Variants in LUC7L2 observed in about 807,000 individuals in gnomAD.
LUC7L2 encodes the protein putative RNA-binding protein Luc7-like 2.
Under a neutral mutation model 52.8 loss-of-function variants are expected in LUC7L2, and 25 were observed. The observed-to-expected ratio is 0.47, with a 90% CI of 0.34 to 0.66. The LOEUF is 0.66. LUC7L2 is among the 30% of genes least tolerant of loss of function. LUC7L2 has a pLI of 0.01. For missense variants in LUC7L2, 328 were observed against 497.8 expected, an observed-to-expected ratio of 0.66 and a Z score of 3.25; for synonymous variants, 144 against 160.9, an observed-to-expected ratio of 0.89 and a Z score of 0.80.
chr7:139,378,802 A>G (rs190423587), intron 2 of LUC7L2, among the ~76,000 whole-genome samples: 71 of 152,320 alleles, frequency 4.7e-4, no homozygotes, highest in African/African-American at 1.7e-3. Context: ...CCTTAAGGAC[A>G]CCATTGTATG....
At chr7:139,341,103 G>C (rs973559049) in intron 1 of LUC7L2, 2 of 340,100 alleles carry the variant, frequency 5.9e-6, no homozygotes, top group African/African-American at 2.1e-5. Flanking sequence ...CATCTTCAAT[G>C]ACGCAGTGAA....
chr7:139,412,404 C>G (rs1044542257), intron 7 of LUC7L2, 147 bp from the exon 8 acceptor site: 2 of 937,392 alleles, frequency 2.1e-6, no homozygotes, highest in South Asian at 2.1e-5. Context: ...TTTGTGGTGT[C>G]TTTTGGAAAA....
At chr7:139,358,064 G>T (rs1351256188), upstream of LUC7L2, among the ~76,000 whole-genome samples, 1 of 151,480 alleles carries the variant, frequency 6.6e-6, no homozygotes, top group African/African-American at 2.4e-5. Context: ...CTGGAGTGCA[G>T]TGGCATAATC....
At position 139,363,976 on chromosome 7, in the gene LUC7L2, C is replaced by CTTTTTTTTTTTTTTTTTTTT. The variant is rs1169793101; in HGVS notation, c.61+3662_61+3681dup. Among the ~76,000 whole-genome samples, 23 of 96,080 alleles carry CTTTTTTTTTTTTTTTTTTTT rather than the reference C, an allele frequency of 2.4e-4. 1 individual carries two copies. The highest frequency in any genetic ancestry group is 4.1e-4 in the African/African-American group (7 of 17,230). The allele number at this position is 96,080 out of a possible 152,430, so 63.0% of individuals were successfully genotyped here. The stretch of plus-strand genomic sequence containing the variant: ...TGAGGGTGTGGATTTAGATTACATC[C>CTTTTTTTTTTTTTTTTTTTT]TTTTTTTTTTTTTTTTTTTTTTTTT... On this transcript the variant is annotated intron_variant, in intron 1 of 9. Transcript: ENST00000354926.
At chr7:139,389,525 T>C (rs1054179808) in intron 2 of LUC7L2, among the ~76,000 whole-genome samples, 3 of 152,208 alleles carry the variant, frequency 2.0e-5, no homozygotes, top group African/African-American at 7.2e-5. Flanking sequence ...ATTTGTCTTC[T>C]GTGTAAATTA....
rs1190874824 is a variant in LUC7L2 at position 139,407,397 on chromosome 7, C to T, written c.687+47C>T. On this transcript the variant is annotated intron_variant, in intron 6 of 9. Transcript: ENST00000354926. Reference sequence around the variant, plus strand: ...CACTTTATCCTCTTGTTCTTTTGATCTGTATCAGTTGCCTTTTTGTACAAT... The same window carrying T: ...CACTTTATCCTCTTGTTCTTTTGATTTGTATCAGTTGCCTTTTTGTACAAT... 3 of 1,556,956 alleles carry T rather than the reference C, an allele frequency of 1.9e-6. No individual in the cohort carries two copies. In the South Asian group the frequency reaches 3.7e-5, roughly 19 times the overall value.
chr7:139,359,303 G>C (rs992811235), upstream of LUC7L2: 5 of 152,926 alleles, frequency 3.3e-5, no homozygotes, highest in African/African-American at 1.2e-4. Context: ...CGAATGGGTC[G>C]GCGCGCCTGT....
At chr7:139,383,401 A>T (rs1412985573) in intron 2 of LUC7L2, among the ~76,000 whole-genome samples, 2 of 146,862 alleles carry the variant, frequency 1.4e-5, no homozygotes, top group East Asian at 4.1e-4. Flanking sequence ...TCTTGGCTTT[A>T]TTGGATTTAT....
intron 2 of LUC7L2, among the ~76,000 whole-genome samples, chr7:139,384,124 T>C (rs1295114695): frequency 6.6e-6 from 1 of 152,110 alleles, no homozygotes; most frequent in Admixed American, 6.6e-5. Flanking sequence ...GTCTGTAAAT[T>C]GTTTAACTCT....
intron 1 of LUC7L2, chr7:139,375,359 C>T (rs1002513023): frequency 2.1e-5 from 21 of 985,242 alleles, no homozygotes; most frequent in Non-Finnish European, 2.3e-5. Context: ...GCTCAGACTA[C>T]ATAAAACTTG....
At chr7:139,401,714 A>G (rs962380526) in intron 3 of LUC7L2, among the ~76,000 whole-genome samples, 8 of 151,198 alleles carry the variant, frequency 5.3e-5, no homozygotes, top group African/African-American at 1.9e-4. Flanking sequence ...CGGCCTCCCA[A>G]AGTGCTGGAA....
At chr7:139,420,377 A>G (rs1192053788) in intron 9 of LUC7L2, among the ~76,000 whole-genome samples, 2 of 151,784 alleles carry the variant, frequency 1.3e-5, no homozygotes, top group Admixed American at 6.6e-5. Context: ...CTATTTTTGT[A>G]TTTTTAGTAG....
chr7:139,405,736 G>C lies in LUC7L2; in HGVS notation c.459G>C (p.Gln153His). The change falls in exon 5 of 10, where the codon CAG (glutamine) becomes CAC (histidine). Residue 153 changes from glutamine (Q) to histidine (H), a missense_variant. By Grantham distance (24) the Gln-to-His change is conservative. Coordinates refer to ENST00000354926, the MANE Select transcript of LUC7L2 (RefSeq NM_016019.5). ...CTGAAGGGAATGTGGAGGAATCCCA[G>C]AAAGTAATGGATGAAGTAGAGAAAG... ...LGAEGNVEES[Q>H]KVMDEVEKAR... The C allele has an allele frequency of 6.2e-7, 1 of 1,613,324 alleles. No homozygotes were observed. The highest frequency in any genetic ancestry group is 1.1e-5 in the South Asian group (1 of 90,790).
Position 139,422,244 on chromosome 7 carries a change from C to A in LUC7L2, c.1083C>A (p.Asp361Glu), listed in dbSNP as rs3757435. The change falls in exon 10 of 10, where the codon GAC becomes GAA. Residue 361 changes from aspartate to glutamate, a missense_variant. Asp to Glu is a conservative substitution (Grantham distance 45). Transcript: ENST00000354926. ...DRSSRDRSPRDRDRKDKKRSY... is the reference protein window; with the variant it reads ...DRSSRDRSPRERDRKDKKRSY... ...GTTCAAGAGACAGATCACCTCGTGA[C>A]AGAGATCGGAAAGATAAGAAGCGGT... 2,687 of 1,614,156 alleles carry A rather than the reference C, an allele frequency of 1.7e-3. 51 individuals are homozygous for A. The East Asian group carries it at 0.048, about 29-fold the overall frequency.
At position 139,422,988 on chromosome 7, in the gene LUC7L2, C is replaced by A; in HGVS notation, c.*648C>A. 2.5e-6 allele frequency: 1 copy of A among 398,264 alleles called. No homozygotes were observed. The highest frequency in any genetic ancestry group is 4.4e-6 in the Non-Finnish European group (1 of 225,976). 24.7% of individuals were successfully genotyped at this position (398,264 alleles called of 1,614,324 possible). On this transcript the variant is annotated 3_prime_UTR_variant, in exon 10 of 10. Coordinates refer to ENST00000354926, the MANE Select transcript of LUC7L2 (RefSeq NM_016019.5). ...TTATTGAAATTTTGAAATCAAACGT[C>A]TTGATTTTTCTGTTCTGTTGAATTG...
At chr7:139,389,317 CT>C (rs1794330217) in intron 2 of LUC7L2, among the ~76,000 whole-genome samples, 1 of 152,154 alleles carries the variant, frequency 6.6e-6, no homozygotes, top group Non-Finnish European at 1.5e-5. Context: ...TTTTCAGACT[CT>C]TTCACCATCT....
Position 139,360,246 on chromosome 7 carries a change from CCGCT to C in LUC7L2, c.-15_-12del. Reference sequence around the variant, plus strand: ...CTGCGCCCCACCCCCGCCCGTCCGCCCGCTACGCCGCCGCCATGTCGGCGCAGGC... The same window carrying C: ...CTGCGCCCCACCCCCGCCCGTCCGCCACGCCGCCGCCATGTCGGCGCAGGC... On this transcript the variant is annotated 5_prime_UTR_variant, in exon 1 of 10. Transcript: ENST00000354926. 6.5e-7 allele frequency: 1 copy of C among 1,548,996 alleles called. No homozygotes were observed.
chr7:139,391,179 G>A (rs1458179086), intron 2 of LUC7L2, among the ~76,000 whole-genome samples: 2 of 152,128 alleles, frequency 1.3e-5, no homozygotes, highest in African/African-American at 4.8e-5. Context: ...TCTGTTTTTG[G>A]TGTACACTGT....
At chr7:139,412,460 A>G in intron 7 of LUC7L2, 91 bp from the exon 8 acceptor site, 1 of 1,455,988 alleles carries the variant, frequency 6.9e-7, no homozygotes, top group Non-Finnish European at 9.3e-7. Context: ...AATTAATGTA[A>G]ACATTAGAAA....
Sources: gnomAD v4.1 joint callset for allele counts (sites outside exome capture counted in the v4.1 genomes callset) on GRCh38, gnomAD v4.1.1 for gene constraint, MANE v1.5 for transcripts, NCBI Gene and HGNC (gene_info 2026-07-23, HGNC 2026-07-21) for gene names.